The following ZSWIM6 variants were observed in gnomAD, a reference collection of about 807,000 sequenced individuals.
The protein encoded by ZSWIM6 is zinc finger SWIM domain-containing protein 6.
A neutral mutation model predicts 113.2 loss-of-function variants in ZSWIM6; 9 were observed. The observed-to-expected ratio is 0.08, with a 90% CI of 0.05 to 0.14. The LOEUF (loss-of-function observed/expected upper bound fraction) is 0.14. ZSWIM6 is among the 10% of genes least tolerant of loss of function. The pLI is 1.00. For missense variants in ZSWIM6, 1,162 were observed against 1,552.2 expected, an observed-to-expected ratio of 0.75 and a Z score of 4.22; for synonymous variants, 611 against 606.5, an observed-to-expected ratio of 1.01 and a Z score of -0.11.
intron 8 of ZSWIM6, 112 bp from the exon 9 acceptor site, chr5:61,531,353 A>T: frequency 7.9e-7 from 1 of 1,273,804 alleles, no homozygotes; most frequent in Non-Finnish European, 1.0e-6. Flanking sequence ...TGGCTTTCTC[A>T]GCATTAATCC....
At chr5:61,453,751 C>T (rs1747139001) in intron 1 of ZSWIM6, among the ~76,000 whole-genome samples, 1 of 151,204 alleles carries the variant, frequency 6.6e-6, no homozygotes, top group Admixed American at 6.6e-5. Flanking sequence ...AGGGAGTCAC[C>T]AAAGTCCAGT....
At chr5:61,501,219 C>G (rs16891878) in intron 4 of ZSWIM6, among the ~76,000 whole-genome samples, 1 of 152,098 alleles carries the variant, frequency 6.6e-6, no homozygotes, top group Admixed American at 6.6e-5. Context: ...TCATAGACCT[C>G]GGAGTTCTGC....
At chr5:61,470,199 G>T (rs1330981228) in intron 1 of ZSWIM6, among the ~76,000 whole-genome samples, 1 of 152,236 alleles carries the variant, frequency 6.6e-6, no homozygotes, top group African/African-American at 2.4e-5. Context: ...AAGACATTGA[G>T]TTGGTTGGTG....
chr5:61,482,242 A>G (rs548941273), intron 2 of ZSWIM6, among the ~76,000 whole-genome samples: 5 of 152,344 alleles, frequency 3.3e-5, no homozygotes, highest in South Asian at 4.1e-4. Flanking sequence ...AGTTAAAACT[A>G]TAAGAATAGA....
intron 1 of ZSWIM6, among the ~76,000 whole-genome samples, chr5:61,373,250 A>G (rs1248138625): frequency 6.6e-6 from 1 of 151,376 alleles, no homozygotes; most frequent in Non-Finnish European, 1.5e-5. Context: ...ACCTGGCTCT[A>G]TTTACATTTA....
intron 1 of ZSWIM6, among the ~76,000 whole-genome samples, chr5:61,440,747 G>C (rs547116549): frequency 6.6e-6 from 1 of 152,282 alleles, no homozygotes; most frequent in African/African-American, 2.4e-5. Context: ...TTGGTTGAGT[G>C]AAAGGGGAAT....
intron 1 of ZSWIM6, among the ~76,000 whole-genome samples, chr5:61,363,199 CCAAT>C (rs1179626812): frequency 3.3e-5 from 5 of 152,280 alleles, no homozygotes; most frequent in African/African-American, 1.2e-4. Context: ...CCCTCTGAGG[CCAAT>C]CAAATGGAAA....
intron 2 of ZSWIM6, among the ~76,000 whole-genome samples, chr5:61,473,799 A>G (rs533865100): frequency 6.6e-6 from 1 of 152,342 alleles, no homozygotes; most frequent in East Asian, 1.9e-4. Context: ...TGCAGTTTTG[A>G]CTAAACAGCT....
At chr5:61,449,852 T>C (rs140376986) in intron 1 of ZSWIM6, among the ~76,000 whole-genome samples, 376 of 152,268 alleles carry the variant, frequency 2.5e-3, no homozygotes, top group African/African-American at 8.6e-3. Flanking sequence ...GTGAAACACC[T>C]GTTCCCAGTT....
At chr5:61,407,447 A>G (rs1746066921) in intron 1 of ZSWIM6, among the ~76,000 whole-genome samples, 1 of 152,252 alleles carries the variant, frequency 6.6e-6, no homozygotes, top group Non-Finnish European at 1.5e-5. Context: ...ATTGGTAACA[A>G]TTCAGCTACA....
intron 1 of ZSWIM6, among the ~76,000 whole-genome samples, chr5:61,435,755 T>C (rs1213969994): frequency 6.6e-6 from 1 of 152,196 alleles, no homozygotes; most frequent in African/African-American, 2.4e-5. Flanking sequence ...ATAAGGTTCA[T>C]TTTTGGTGGT....
At chr5:61,510,219 G>A (rs1748742264) in intron 4 of ZSWIM6, among the ~76,000 whole-genome samples, 1 of 151,818 alleles carries the variant, frequency 6.6e-6, no homozygotes, top group Non-Finnish European at 1.5e-5. Flanking sequence ...GTGAGGTGGG[G>A]CAAAATGGTG....
At chr5:61,348,827 T>G (rs1744722223) in intron 1 of ZSWIM6, among the ~76,000 whole-genome samples, 1 of 152,136 alleles carries the variant, frequency 6.6e-6, no homozygotes, top group African/African-American at 2.4e-5. Context: ...CTGGCTTCCT[T>G]TCTAGATTGA....
intron 2 of ZSWIM6, among the ~76,000 whole-genome samples, chr5:61,489,556 T>C (rs973503451): frequency 3.3e-5 from 5 of 152,052 alleles, no homozygotes; most frequent in African/African-American, 1.2e-4. Context: ...TTGCATCAAA[T>C]TTTTGCAGAT....
intron 1 of ZSWIM6, among the ~76,000 whole-genome samples, chr5:61,460,263 G>A (rs1465117003): frequency 6.6e-6 from 1 of 152,094 alleles, no homozygotes; most frequent in African/African-American, 2.4e-5. Context: ...ACTCAGTTGA[G>A]CCCATAGTTC....
intron 1 of ZSWIM6, among the ~76,000 whole-genome samples, chr5:61,393,890 A>G (rs1414374386): frequency 1.3e-5 from 2 of 152,094 alleles, no homozygotes; most frequent in Non-Finnish European, 2.9e-5. Context: ...GCGGCTTTTA[A>G]TCTACAGGGG....
At chr5:61,535,361 T>A (rs1020393742) in intron 9 of ZSWIM6, 123 bp from the exon 10 acceptor site, 49 of 1,176,756 alleles carry the variant, frequency 4.2e-5, no homozygotes, top group Non-Finnish European at 5.2e-5. Context: ...CCTTTCTATA[T>A]CATTTACTTG....
rs138384084 is a variant in ZSWIM6, at chr5:61,344,324, A to G, written c.676+11376A>G. 3.5e-3 allele frequency among the ~76,000 whole-genome samples: 529 copies of G among 152,322 alleles called. 1 individual carries two copies. The highest frequency in any genetic ancestry group is 0.02 in the Middle Eastern group (6 of 294). ...GCCAGTCTTTTCACGATTGTGGTTT[A>G]TACTTTTCTCTAGACAGTGGTGAAG... On this transcript the variant is annotated intron_variant, in intron 1 of 13. Coordinates refer to ENST00000252744, the MANE Select transcript of ZSWIM6 (RefSeq NM_020928.2).
In ZSWIM6 at chr5:61,424,579, C is replaced by T. The variant is rs144792350; in HGVS notation, c.677-48102C>T. Among the ~76,000 whole-genome samples, 463 of 152,258 alleles carry T rather than the reference C, an allele frequency of 3.0e-3. 3 individuals carry two copies. Among genetic ancestry groups the T allele is most frequent in the African/African-American group, 0.011 (442 of 41,538 alleles). ...ACCTCAGCTGTTTCCCAGAATCTTT[C>T]GAACCTCGAAGAGCAAGCTTCACTT... On this transcript the variant is annotated intron_variant, in intron 1 of 13. Coordinates refer to ENST00000252744, the MANE Select transcript of ZSWIM6 (RefSeq NM_020928.2).
Sources: gnomAD v4.1 joint callset for allele counts (sites outside exome capture counted in the v4.1 genomes callset) on GRCh38, gnomAD v4.1.1 for gene constraint, MANE v1.5 for transcripts, NCBI Gene and HGNC (gene_info 2026-07-23, HGNC 2026-07-21) for gene names.